RB1: variants seen among roughly 807,000 people sequenced by gnomAD.
The protein encoded by RB1 is RB transcriptional corepressor 1, also known as retinoblastoma-associated protein.
Under a neutral mutation model 135.4 loss-of-function variants are expected in RB1, and 18 were observed. The ratio of observed to expected loss-of-function variants is 0.13; its 90% CI spans 0.09 to 0.20. The LOEUF is 0.20. Ranked by LOEUF, RB1 falls within the 10% of genes least tolerant of loss-of-function variation. The pLI is 1.00. For missense variants in RB1, 868 were observed against 1,110.0 expected (o/e 0.78, Z 3.10); for synonymous variants, 365 against 373.2 (o/e 0.98, Z 0.25).
In RB1 at chr13:48,380,042, A is replaced by G. The variant is rs200658795; in HGVS notation, c.1390-11A>G. The G allele has an allele frequency of 6.7e-4, 804 of 1,198,044 alleles. 8 individuals carry two copies. The African/African-American group carries it at 0.012, about 17-fold the overall frequency. 74.2% of individuals were successfully genotyped at this position (1,198,044 alleles called of 1,614,324 possible). On this transcript the variant is annotated splice_polypyrimidine_tract_variant and intron_variant, in intron 14 of 26. Transcript: ENST00000267163. The stretch of plus-strand genomic sequence containing the variant: ...CAACTTCTTTTTTTTTTTTTAAATT[A>G]TCTGTTTCAGGAAGAAGAACGATTA...
chr13:48,360,364 C>A (rs1445885509), intron 7 of RB1: 1 of 764,574 alleles, frequency 1.3e-6, no homozygotes, highest in Non-Finnish European at 1.8e-6. Flanking sequence ...GTTTGGGAGA[C>A]AAGAAAGTTT....
At chr13:48,333,811 C>T (rs532862907) in intron 2 of RB1, among the ~76,000 whole-genome samples, 3 of 150,252 alleles carry the variant, frequency 2.0e-5, no homozygotes, top group Admixed American at 6.6e-5. Flanking sequence ...TTTAGAACTA[C>T]GCTAGTGTTA....
Position 48,303,764 on chromosome 13 carries a change from G to C in RB1, c.-149G>C. 8.0e-7 allele frequency: 1 copy of C among 1,248,776 alleles called. No individual in the cohort carries two copies. The allele number at this position is 1,248,776 out of a possible 1,614,324, so 77.4% of individuals were successfully genotyped here. A position where few individuals can be genotyped will look rare whatever the true frequency, so the allele number is the denominator to read the frequency against. On this transcript the variant is annotated 5_prime_UTR_variant, in exon 1 of 27. Coordinates refer to ENST00000267163, the MANE Select transcript of RB1 (RefSeq NM_000321.3). ...GACGCGGCGCTCAGTTGCCGGGCGG[G>C]GGAGGGCGCGTCCGGTTTTTCTCAG...
At chr13:48,411,250 A>C in intron 17 of RB1, 1 of 720,042 alleles carries the variant, frequency 1.4e-6, no homozygotes, top group Non-Finnish European at 2.4e-6. Flanking sequence ...TTGAATACAA[A>C]TTTTCTTTAT....
intron 17 of RB1, chr13:48,412,220 A>C (rs1459325824): frequency 1.2e-6 from 2 of 1,613,900 alleles, no homozygotes; most frequent in African/African-American, 2.7e-5. Flanking sequence ...AGGGTAAAGT[A>C]AAAACAAAAA....
At chr13:48,317,172 T>G in intron 2 of RB1, 1 of 631,108 alleles carries the variant, frequency 1.6e-6, no homozygotes, top group Non-Finnish European at 2.4e-6. Context: ...GGACGGGCCC[T>G]GTGGAGGCAG....
chr13:48,330,316 T>A (rs2138067727), intron 2 of RB1, among the ~76,000 whole-genome samples: 1 of 151,452 alleles, frequency 6.6e-6, no homozygotes, highest in African/African-American at 2.4e-5. Context: ...AGGAGGGGGA[T>A]AAGAAAGATC....
chr13:48,354,543 CA>C (rs1321088611), intron 6 of RB1, among the ~76,000 whole-genome samples: 5 of 152,134 alleles, frequency 3.3e-5, no homozygotes, highest in Non-Finnish European at 7.4e-5. Flanking sequence ...CAATTCCTAT[CA>C]AAATACCAAT....
rs532497004 is a variant in RB1 at position 48,338,280 on chromosome 13, A to G, written c.265-4319A>G. Among the ~76,000 whole-genome samples, 168 of 152,310 alleles carry G rather than the reference A, an allele frequency of 1.1e-3. 1 individual carries two copies. The highest frequency in any genetic ancestry group is 0.01 in the Middle Eastern group (3 of 294). ...ATAATATCCTGCAGAGTGTTTTCCA[A>G]CTTGGTTCCATTCTCCCTGTCACTT... On this transcript the variant is annotated intron_variant, in intron 2 of 26. Transcript: ENST00000267163.
At chr13:48,338,740 A>AG (rs1429566727) in intron 2 of RB1, among the ~76,000 whole-genome samples, 2 of 152,132 alleles carry the variant, frequency 1.3e-5, no homozygotes, top group African/African-American at 4.8e-5. Flanking sequence ...GTTCCTTTGG[A>AG]GGGGGAGAGG....
At chr13:48,414,785 A>T (rs1458693434) in intron 17 of RB1, among the ~76,000 whole-genome samples, 5 of 152,220 alleles carry the variant, frequency 3.3e-5, no homozygotes, top group African/African-American at 1.2e-4. Flanking sequence ...CAAATGACAA[A>T]AAAAGATGAG....
At chr13:48,450,786 T>TA (rs1457793595) in intron 17 of RB1, among the ~76,000 whole-genome samples, 2 of 152,190 alleles carry the variant, frequency 1.3e-5, no homozygotes, top group African/African-American at 4.8e-5. Context: ...TGGTCAGTCT[T>TA]ACAATATTGA....
chr13:48,414,756 T>C (rs1458446880), intron 17 of RB1, among the ~76,000 whole-genome samples: 1 of 152,234 alleles, frequency 6.6e-6, no homozygotes. Flanking sequence ...CTGTCTGGAC[T>C]AGAAAATTCA....
At chr13:48,328,387 T>C in intron 2 of RB1, 1 of 1,521,520 alleles carries the variant, frequency 6.6e-7, no homozygotes, top group Non-Finnish European at 9.1e-7. Flanking sequence ...GTCGTCTGAC[T>C]ACCTATGGCA....
At chr13:48,419,976 C>A (rs975109903) in intron 17 of RB1, among the ~76,000 whole-genome samples, 1 of 152,180 alleles carries the variant, frequency 6.6e-6, no homozygotes, top group African/African-American at 2.4e-5. Context: ...GGAGCTGGTA[C>A]TATTCCTTCT....
chr13:48,330,337 TAAATG>T (rs1375621529), intron 2 of RB1, among the ~76,000 whole-genome samples: 1 of 151,374 alleles, frequency 6.6e-6, no homozygotes, highest in Non-Finnish European at 1.5e-5. Context: ...ACAGCAGAAA[TAAATG>T]AAAGACTCAA....
At chr13:48,337,604 G>A (rs1952396993) in intron 2 of RB1, among the ~76,000 whole-genome samples, 1 of 152,170 alleles carries the variant, frequency 6.6e-6, no homozygotes, top group African/African-American at 2.4e-5. Context: ...CCTGAATACA[G>A]CACACTGATG....
intron 11 of RB1, among the ~76,000 whole-genome samples, chr13:48,370,971 C>T (rs1268602458): frequency 2.0e-5 from 3 of 152,216 alleles, no homozygotes; most frequent in Admixed American, 6.5e-5. Flanking sequence ...AAGTATTTTA[C>T]GAGTTGTATG....
intron 2 of RB1, among the ~76,000 whole-genome samples, chr13:48,336,745 T>TCTTC (rs1555282072): frequency 6.8e-6 from 1 of 147,030 alleles, no homozygotes; most frequent in African/African-American, 2.5e-5. Flanking sequence ...ATGTGTTTGC[T>TCTTC]CTTCTCTAGT....
Sources: gnomAD v4.1 joint callset for allele counts (sites outside exome capture counted in the v4.1 genomes callset) on GRCh38, gnomAD v4.1.1 for gene constraint, MANE v1.5 for transcripts, NCBI Gene and HGNC (gene_info 2026-07-23, HGNC 2026-07-21) for gene names.